CCDC148: variants seen among roughly 807,000 people sequenced by gnomAD.
CCDC148 encodes the protein coiled-coil domain-containing protein 148.
CCDC148 carries 89 observed loss-of-function variants against 85.7 expected under a neutral mutation model. The ratio of observed to expected loss-of-function variants is 1.04; its 90% CI spans 0.87 to 1.24. The LOEUF is 1.24. Among genes scored for constraint, CCDC148 ranks in the 50% most tolerant of loss-of-function variants. The pLI is 0.00. For synonymous variants in CCDC148, 230 were observed against 213.9 expected, an observed-to-expected ratio of 1.08 and a Z score of -0.66; for missense variants, 692 against 671.7, an observed-to-expected ratio of 1.03 and a Z score of -0.33.
chr2:158,434,631 G>A (rs111558712), intron 1 of CCDC148, among the ~76,000 whole-genome samples: 5 of 152,326 alleles, frequency 3.3e-5, no homozygotes, highest in East Asian at 1.9e-4. Context: ...TGAATTTGAC[G>A]AGTTCAGAGA....
At chr2:158,188,673 A>G (rs1462028585) in intron 11 of CCDC148, among the ~76,000 whole-genome samples, 1 of 152,042 alleles carries the variant, frequency 6.6e-6, no homozygotes, top group African/African-American at 2.4e-5. Context: ...TTTTCTATAC[A>G]TTGGCCTAGG....
At chr2:158,400,607 A>C (rs1044935422) in intron 1 of CCDC148, among the ~76,000 whole-genome samples, 5 of 152,220 alleles carry the variant, frequency 3.3e-5, no homozygotes, top group African/African-American at 1.2e-4. Context: ...TAAAAACTCT[A>C]GAAGAAAACC....
At chr2:158,426,416 G>A (rs1282945069) in intron 1 of CCDC148, among the ~76,000 whole-genome samples, 1 of 152,130 alleles carries the variant, frequency 6.6e-6, no homozygotes, top group Admixed American at 6.5e-5. Context: ...GAATAAACTT[G>A]AGTAGGTAAG....
intron 9 of CCDC148, among the ~76,000 whole-genome samples, chr2:158,267,087 C>T (rs1574507979): frequency 6.6e-6 from 1 of 151,852 alleles, no homozygotes; most frequent in African/African-American, 2.4e-5. Flanking sequence ...CAACCTCTCC[C>T]GAACTAGATA....
intron 10 of CCDC148, among the ~76,000 whole-genome samples, chr2:158,248,188 A>G (rs1464233643): frequency 2.6e-5 from 4 of 152,144 alleles, no homozygotes; most frequent in Non-Finnish European, 5.9e-5. Flanking sequence ...TAAAATCTAT[A>G]TATGGCCTGG....
chr2:158,198,413 T>A lies in CCDC148; in HGVS notation c.1371-19417A>T, dbSNP rs139132432. Among the ~76,000 whole-genome samples the A allele has an allele frequency of 4.4e-3, 669 of 152,318 alleles. 3 individuals carry two copies. Among genetic ancestry groups the A allele is most frequent in the African/African-American group, 0.015 (642 of 41,574 alleles). On this transcript the variant is annotated intron_variant, in intron 11 of 13. Coordinates refer to ENST00000283233, the MANE Select transcript of CCDC148 (RefSeq NM_138803.4). ...TGGATTTTAAATAATAGTATCACTG[T>A]GTTCTCAGACTAGAGGCCAGTGTAT...
At chr2:158,419,504 T>G (rs1686666415) in intron 1 of CCDC148, among the ~76,000 whole-genome samples, 1 of 152,224 alleles carries the variant, frequency 6.6e-6, no homozygotes, top group Non-Finnish European at 1.5e-5. Flanking sequence ...GCCTTGCCAC[T>G]TACTAACTAT....
At chr2:158,257,214 A>G (rs929149566) in intron 9 of CCDC148, among the ~76,000 whole-genome samples, 1 of 151,710 alleles carries the variant, frequency 6.6e-6, no homozygotes, top group African/African-American at 2.4e-5. Context: ...CTGATGGGGA[A>G]AATAATCAGA....
At position 158,236,100 on chromosome 2, in the gene CCDC148, C is replaced by T. The variant is rs570542547; in HGVS notation, c.1251+14672G>A. ...GATATCCAGCACTAAAGTATTAATG[C>T]CTTTTATTATAAATTGTTTGGAAGT... On this transcript the variant is annotated intron_variant, in intron 10 of 13. Coordinates refer to ENST00000283233, the MANE Select transcript of CCDC148 (RefSeq NM_138803.4). 3.9e-5 allele frequency: 6 copies of T among 152,248 alleles called. No homozygotes were observed. In the South Asian group the frequency reaches 6.2e-4, roughly 16 times the overall value. 9.4% of individuals were successfully genotyped at this position (152,248 alleles called of 1,614,324 possible).
intron 9 of CCDC148, among the ~76,000 whole-genome samples, chr2:158,263,981 T>C (rs542664956): frequency 2.0e-5 from 3 of 152,016 alleles, no homozygotes; most frequent in South Asian, 4.1e-4. Context: ...ATAACCATAC[T>C]CCTCAAAGGT....
At chr2:158,317,957 A>C (rs2105218121) in intron 7 of CCDC148, among the ~76,000 whole-genome samples, 1 of 152,298 alleles carries the variant, frequency 6.6e-6, no homozygotes, top group South Asian at 2.1e-4. Flanking sequence ...TTCACAGAGA[A>C]GTAGGAGTGC....
chr2:158,304,457 G>C (rs746700788), intron 9 of CCDC148, among the ~76,000 whole-genome samples: 5 of 152,082 alleles, frequency 3.3e-5, no homozygotes, highest in Non-Finnish European at 4.4e-5. Flanking sequence ...TATCTGTCAG[G>C]TTCCCATTTA....
chr2:158,380,144 T>G (rs1451127404), intron 1 of CCDC148, among the ~76,000 whole-genome samples: 2 of 152,130 alleles, frequency 1.3e-5, no homozygotes, highest in Non-Finnish European at 2.9e-5. Context: ...TTTAGAGATT[T>G]ATCCCAAGAA....
chr2:158,403,938 T>C (rs1376464575), intron 1 of CCDC148, among the ~76,000 whole-genome samples: 3 of 152,066 alleles, frequency 2.0e-5, no homozygotes, highest in African/African-American at 7.2e-5. Flanking sequence ...ATACAACAAG[T>C]CTGAATTCAA....
intron 10 of CCDC148, among the ~76,000 whole-genome samples, chr2:158,244,655 T>A (rs4664943): frequency 1.6e-4 from 25 of 152,128 alleles, no homozygotes; most frequent in Admixed American, 1.5e-3. Context: ...CCCAGTCTGC[T>A]ATCACTCTGC....
chr2:158,213,211 A>G (rs566519348), intron 11 of CCDC148, among the ~76,000 whole-genome samples: 1 of 152,306 alleles, frequency 6.6e-6, no homozygotes, highest in Non-Finnish European at 1.5e-5. Context: ...TGTAGCATCC[A>G]TTTGTTGGTT....
intron 11 of CCDC148, 59 bp downstream of exon 11, chr2:158,220,536 C>A: frequency 8.7e-7 from 1 of 1,154,050 alleles, no homozygotes; most frequent in Non-Finnish European, 1.3e-6. Flanking sequence ...TATTCTAACA[C>A]TTTACAAAAG....
intron 2 of CCDC148, among the ~76,000 whole-genome samples, chr2:158,354,698 G>A (rs1180718048): frequency 3.3e-5 from 5 of 151,880 alleles, no homozygotes; most frequent in South Asian, 2.1e-4. Context: ...AATCAATAGA[G>A]AAAGAGGGAA....
At chr2:158,363,641 C>G (rs920553557) in intron 1 of CCDC148, among the ~76,000 whole-genome samples, 1 of 152,096 alleles carries the variant, frequency 6.6e-6, no homozygotes, top group Non-Finnish European at 1.5e-5. Context: ...TCTCAATAAA[C>G]TAGATATTGA....
Sources: gnomAD v4.1 joint callset for allele counts (sites outside exome capture counted in the v4.1 genomes callset) on GRCh38, gnomAD v4.1.1 for gene constraint, MANE v1.5 for transcripts, NCBI Gene and HGNC (gene_info 2026-07-23, HGNC 2026-07-21) for gene names.